Variants in WDFY3 observed in about 807,000 individuals in gnomAD.
The protein encoded by WDFY3 is WD repeat and FYVE domain containing 3.
A neutral mutation model predicts 409.6 loss-of-function variants in WDFY3; 66 were observed. That is an observed-to-expected ratio of 0.16 (90% CI 0.13 to 0.20). The LOEUF (loss-of-function observed/expected upper bound fraction) is 0.20. Among genes scored for constraint, WDFY3 ranks in the 10% least tolerant of loss-of-function variants. WDFY3 has a pLI of 1.00. For missense variants in WDFY3, 3,031 were observed against 4,298.1 expected, an observed-to-expected ratio of 0.71 and a Z score of 8.24; for synonymous variants, 1,521 against 1,537.1, an observed-to-expected ratio of 0.99 and a Z score of 0.25.
intron 36 of WDFY3, among the ~76,000 whole-genome samples, chr4:84,747,746 A>G (rs1015758994): frequency 6.6e-6 from 1 of 151,982 alleles, no homozygotes; most frequent in Non-Finnish European, 1.5e-5. Flanking sequence ...CCCCTACTTC[A>G]TTCTGCACTT....
At chr4:84,958,553 C>T (rs374884062) in intron 1 of WDFY3, among the ~76,000 whole-genome samples, 1 of 152,160 alleles carries the variant, frequency 6.6e-6, no homozygotes, top group African/African-American at 2.4e-5. Context: ...GGAGGGACAA[C>T]CTAAGTACTA....
rs1749730190 is a variant in WDFY3 at position 84,797,726 on chromosome 4, GC to G, written c.2935+269del. 5.3e-5 allele frequency among the ~76,000 whole-genome samples: 8 copies of G among 151,922 alleles called. No homozygotes were observed. The South Asian group carries it at 1.7e-3, about 32-fold the overall frequency. On this transcript the variant is annotated intron_variant, in intron 18 of 67. Transcript: ENST00000295888. The stretch of plus-strand genomic sequence containing the variant: ...CTCCCGAGTAGCTGGGACTACAGGC[GC>G]CTGCCACTGCGCCCGGCTAATTTTT...
At chr4:84,818,545 GCTTT>G (rs919820521) in intron 12 of WDFY3, among the ~76,000 whole-genome samples, 11 of 152,158 alleles carry the variant, frequency 7.2e-5, no homozygotes, top group African/African-American at 1.2e-4. Flanking sequence ...CTGCTTAGTG[GCTTT>G]CTATTTGTTA....
At chr4:84,934,259 T>G (rs1334627901) in intron 1 of WDFY3, among the ~76,000 whole-genome samples, 1 of 152,180 alleles carries the variant, frequency 6.6e-6, no homozygotes, top group Non-Finnish European at 1.5e-5. Flanking sequence ...GATTTGAATT[T>G]CTTTGATGAT....
chr4:84,764,227 T>C (rs1191594592), intron 32 of WDFY3, among the ~76,000 whole-genome samples: 1 of 152,212 alleles, frequency 6.6e-6, no homozygotes. Flanking sequence ...AAACCTTGCA[T>C]ATTCAACAGA....
chr4:84,839,905 C>G (rs921924101), intron 6 of WDFY3, among the ~76,000 whole-genome samples: 1 of 151,696 alleles, frequency 6.6e-6, no homozygotes, highest in Non-Finnish European at 1.5e-5. Flanking sequence ...ACACAGCAAA[C>G]AAATAAAAAG....
intron 24 of WDFY3, among the ~76,000 whole-genome samples, chr4:84,783,862 T>TACATACACAC (rs1747002012): frequency 1.4e-5 from 2 of 140,856 alleles, no homozygotes; most frequent in African/African-American, 5.2e-5. Flanking sequence ...GTGTCATACA[T>TACATACACAC]ACACACACAC....
chr4:84,910,854 T>G (rs1048564587), intron 2 of WDFY3, among the ~76,000 whole-genome samples: 1 of 151,830 alleles, frequency 6.6e-6, no homozygotes, highest in Non-Finnish European at 1.5e-5. Context: ...TACAGGTGTG[T>G]GCCACCATGT....
At chr4:84,692,693 A>G (rs1729454823) in intron 59 of WDFY3, among the ~76,000 whole-genome samples, 192 bp downstream of exon 59, 1 of 152,178 alleles carries the variant, frequency 6.6e-6, no homozygotes, top group Non-Finnish European at 1.5e-5. Flanking sequence ...AAGCCAAAAA[A>G]AGAAAACAGA....
At chr4:84,906,240 TTC>T (rs1280634789) in intron 2 of WDFY3, among the ~76,000 whole-genome samples, 2 of 152,170 alleles carry the variant, frequency 1.3e-5, no homozygotes, top group African/African-American at 2.4e-5. Context: ...ATTTATGATC[TTC>T]TCTCATGAAG....
Position 84,722,481 on chromosome 4 carries a change from T to C in WDFY3, c.7442-909A>G, listed in dbSNP as rs113079469. 9.2e-3 allele frequency among the ~76,000 whole-genome samples: 1,397 copies of C among 152,316 alleles called. 11 individuals carry two copies. The highest frequency in any genetic ancestry group is 0.016 in the Non-Finnish European group (1,086 of 68,008). ...ATGCCTCATTTCACAAGTGGCAGTATGGCTTTTCATACATGAATTAATTTG... is the reference window on the plus strand; with the variant it reads ...ATGCCTCATTTCACAAGTGGCAGTACGGCTTTTCATACATGAATTAATTTG... On this transcript the variant is annotated intron_variant, in intron 46 of 67. Coordinates refer to ENST00000295888, the MANE Select transcript of WDFY3 (RefSeq NM_014991.6).
chr4:84,954,773 T>C (rs999722508), intron 1 of WDFY3, among the ~76,000 whole-genome samples: 21 of 152,352 alleles, frequency 1.4e-4, no homozygotes, highest in Non-Finnish European at 2.5e-4. Context: ...TGTCTGGTAA[T>C]GTTTTATAGC....
chr4:84,674,763 G>A (rs914994346), intron 67 of WDFY3, among the ~76,000 whole-genome samples: 1 of 150,800 alleles, frequency 6.6e-6, no homozygotes, highest in Non-Finnish European at 1.5e-5. Flanking sequence ...AGCTACTCAG[G>A]AAGCTGAGGT....
rs775461319 is a variant in WDFY3 at position 84,736,135 on chromosome 4, T to A, written c.6915+35A>T. On this transcript the variant is annotated intron_variant, in intron 42 of 67. Coordinates refer to ENST00000295888, the MANE Select transcript of WDFY3 (RefSeq NM_014991.6). ...ATGTTAAGTATATTATACAAAATAC[T>A]ACAACTAATATCAGCAATGAAACTA... 8 of 1,587,456 alleles carry A rather than the reference T, an allele frequency of 5.0e-6. No individual in the cohort carries two copies. In the South Asian group the frequency reaches 9.4e-5, roughly 19 times the overall value.
intron 1 of WDFY3, among the ~76,000 whole-genome samples, chr4:84,934,374 G>A (rs1269473846): frequency 1.3e-5 from 2 of 152,024 alleles, no homozygotes; most frequent in African/African-American, 4.8e-5. Flanking sequence ...ATCAGATTAA[G>A]GAAAAGTACT....
intron 4 of WDFY3, among the ~76,000 whole-genome samples, chr4:84,851,335 T>A (rs1407522452): frequency 6.6e-6 from 1 of 152,146 alleles, no homozygotes; most frequent in East Asian, 1.9e-4. Context: ...TTATTACCTA[T>A]TGAAATGTCA....
At chr4:84,800,424 T>A (rs1750306790) in intron 17 of WDFY3, among the ~76,000 whole-genome samples, 1 of 152,184 alleles carries the variant, frequency 6.6e-6, no homozygotes, top group Non-Finnish European at 1.5e-5. Context: ...ATATGAATCA[T>A]TCAAGAAATA....
At chr4:84,796,409 T>G in intron 19 of WDFY3, 112 bp downstream of exon 19, 1 of 599,778 alleles carries the variant, frequency 1.7e-6, no homozygotes, top group South Asian at 7.5e-5. Context: ...TAAAAAATAT[T>G]AAGTATGGTA....
At chr4:84,872,320 C>A (rs1762231643) in intron 3 of WDFY3, among the ~76,000 whole-genome samples, 1 of 151,888 alleles carries the variant, frequency 6.6e-6, no homozygotes, top group Non-Finnish European at 1.5e-5. Context: ...TAAAAATTAG[C>A]CAGGCGTGGT....
Sources: gnomAD v4.1 joint callset for allele counts (sites outside exome capture counted in the v4.1 genomes callset) on GRCh38, gnomAD v4.1.1 for gene constraint, MANE v1.5 for transcripts, NCBI Gene and HGNC (gene_info 2026-07-23, HGNC 2026-07-21) for gene names.